Variants in YIPF1 observed in about 807,000 individuals in gnomAD.
YIPF1 encodes Yip1 domain family member 1, also known as protein YIPF1.
YIPF1 carries 22 observed loss-of-function variants against 37.0 expected under a neutral mutation model. The observed-to-expected ratio is 0.59, with a 90% confidence interval of 0.42 to 0.85. YIPF1 has a LOEUF of 0.85. Ranked by LOEUF, YIPF1 falls within the 40% of genes least tolerant of loss-of-function variation. The pLI, the probability that YIPF1 is intolerant of heterozygous loss-of-function variation, is 0.00. For synonymous variants in YIPF1, 128 were observed against 131.9 expected (o/e 0.97, Z 0.21); for missense variants, 355 against 373.1 (o/e 0.95, Z 0.40).
rs556690088 is a variant in YIPF1 at position 53,887,590 on chromosome 1, G to A, written c.31+1317C>T. On this transcript the variant is annotated intron_variant, in intron 3 of 10. Coordinates refer to ENST00000072644, the MANE Select transcript of YIPF1 (RefSeq NM_018982.5). ...CATGGTGAGAGTAGTGGTGGAGGTG[G>A]TCAGATGCTAGATGAATTTTGAAGA... Among the ~76,000 whole-genome samples, 14 of 152,080 alleles carry A rather than the reference G, an allele frequency of 9.2e-5. 1 individual carries two copies. The South Asian group carries it at 2.3e-3, about 25-fold the overall frequency.
At chr1:53,853,798 TG>T (rs537837054) in intron 10 of YIPF1, among the ~76,000 whole-genome samples, 2 of 152,208 alleles carry the variant, frequency 1.3e-5, no homozygotes, top group Non-Finnish European at 2.9e-5. Flanking sequence ...ACCATCAACT[TG>T]GGTTCTGAAA....
At position 53,878,410 on chromosome 1, in the gene YIPF1, ACAT is replaced by A. The variant is rs2100738001; in HGVS notation, c.277-11_277-9del. The stretch of plus-strand genomic sequence containing the variant: ...TTTAATTCTGTCAAAGACCTGGAAA[ACAT>A]CATAGCAGTAATTCTACTGAAGTTT... On this transcript the variant is annotated splice_polypyrimidine_tract_variant and intron_variant, in intron 5 of 10. Transcript: ENST00000072644. The A allele has an allele frequency of 6.2e-7, 1 of 1,612,608 alleles. No individual in the cohort carries two copies. The highest frequency in any genetic ancestry group is 1.1e-5 in the South Asian group (1 of 90,470).
intron 9 of YIPF1, 79 bp downstream of exon 9, chr1:53,866,121 A>T: frequency 5.2e-6 from 8 of 1,525,782 alleles, no homozygotes; most frequent in Non-Finnish European, 7.1e-6. Flanking sequence ...TTTTAAAAGA[A>T]CTGTTGTGTC....
chr1:53,869,494 A>C (rs1436448256), intron 7 of YIPF1, among the ~76,000 whole-genome samples: 1 of 152,194 alleles, frequency 6.6e-6, no homozygotes, highest in Non-Finnish European at 1.5e-5. Context: ...TGAGGCTCAG[A>C]CATAAAATAG....
At chr1:53,867,534 G>A (rs1008212563) in intron 7 of YIPF1, among the ~76,000 whole-genome samples, 54 of 151,936 alleles carry the variant, frequency 3.6e-4, no homozygotes, top group African/African-American at 1.3e-3. Context: ...CACCACATCC[G>A]GCTAATTTTT....
chr1:53,879,168 C>T (rs1400672661), intron 4 of YIPF1, among the ~76,000 whole-genome samples: 1 of 151,708 alleles, frequency 6.6e-6, no homozygotes, highest in Non-Finnish European at 1.5e-5. Context: ...AATCATAGCT[C>T]ACTGCAGCCT....
intron 6 of YIPF1, among the ~76,000 whole-genome samples, chr1:53,873,933 C>A (rs187123206): frequency 1.3e-5 from 2 of 152,248 alleles, no homozygotes; most frequent in Admixed American, 1.3e-4. Flanking sequence ...TCTAAGCTAC[C>A]TAACAACTCT....
intron 4 of YIPF1, among the ~76,000 whole-genome samples, chr1:53,881,244 C>CAAAAAAA (rs747288925): frequency 9.4e-5 from 9 of 96,194 alleles, no homozygotes; most frequent in East Asian, 2.9e-4. Flanking sequence ...GACTCCATCT[C>CAAAAAAA]AAAAAAAAAA....
intron 7 of YIPF1, among the ~76,000 whole-genome samples, chr1:53,870,263 T>G (rs1650150370): frequency 6.8e-6 from 1 of 146,586 alleles, no homozygotes; most frequent in Non-Finnish European, 1.5e-5. Flanking sequence ...CCTCAATCTC[T>G]GGGCTCAAGT....
chr1:53,877,408 G>A, intron 6 of YIPF1, among the ~76,000 whole-genome samples: 1 of 152,174 alleles, frequency 6.6e-6, no homozygotes, highest in East Asian at 1.9e-4. Context: ...GAAAAGTGGG[G>A]ATACTTTGCA....
intron 10 of YIPF1, among the ~76,000 whole-genome samples, chr1:53,853,480 G>A (rs1247442715): frequency 6.6e-6 from 1 of 152,196 alleles, no homozygotes; most frequent in African/African-American, 2.4e-5. Flanking sequence ...AAGAGGGGCT[G>A]GAGATAGAGT....
intron 6 of YIPF1, among the ~76,000 whole-genome samples, chr1:53,873,862 G>A (rs1650261106): frequency 6.6e-6 from 1 of 152,122 alleles, no homozygotes; most frequent in Non-Finnish European, 1.5e-5. Flanking sequence ...AGGCAGGCTG[G>A]TATGGGAAGA....
Position 53,866,739 on chromosome 1 carries a change from C to T in YIPF1, c.648+19G>A. 1 of 1,604,058 alleles carries T rather than the reference C, an allele frequency of 6.2e-7. No homozygotes were observed. Among genetic ancestry groups the T allele is most frequent in the Non-Finnish European group, 8.5e-7 (1 of 1,175,308 alleles). Reference sequence around the variant, plus strand: ...AACAGAGCATCACTCAGAATCTACTCCCTAAGTATGGTACTTACTGCGGTG... The same window carrying T: ...AACAGAGCATCACTCAGAATCTACTTCCTAAGTATGGTACTTACTGCGGTG... On this transcript the variant is annotated intron_variant, in intron 8 of 10. Transcript: ENST00000072644.
chr1:53,863,153 T>C (rs1649927248), intron 9 of YIPF1, among the ~76,000 whole-genome samples: 2 of 152,216 alleles, frequency 1.3e-5, no homozygotes, highest in Admixed American at 6.5e-5. Context: ...CCCGCTCTTC[T>C]GAGTCCCTTA....
Position 53,867,002 on chromosome 1 carries a change from T to A in YIPF1, c.482-78A>T. The A allele has an allele frequency of 3.4e-6, 5 of 1,488,690 alleles. No individual in the cohort carries two copies. The South Asian group carries it at 5.4e-5, about 16-fold the overall frequency. The allele number at this position is 1,488,690 out of a possible 1,614,324, so 92.2% of individuals were successfully genotyped here. ...TCAGAGCACTTCCAACACCTTATTGTACTTAAATGCTAACATGTCAATTGA... is the reference window on the plus strand; with the variant it reads ...TCAGAGCACTTCCAACACCTTATTGAACTTAAATGCTAACATGTCAATTGA... On this transcript the variant is annotated intron_variant, in intron 7 of 10. Coordinates refer to ENST00000072644, the MANE Select transcript of YIPF1 (RefSeq NM_018982.5).
rs1650446457 is a variant in YIPF1 at position 53,879,993 on chromosome 1, C to G, written c.196-1271G>C. Among the ~76,000 whole-genome samples, 3 of 152,258 alleles carry G rather than the reference C, an allele frequency of 2.0e-5. No homozygotes were observed. The South Asian group carries it at 6.2e-4, about 32-fold the overall frequency. On this transcript the variant is annotated intron_variant, in intron 4 of 10. Transcript: ENST00000072644. Reference sequence around the variant, plus strand: ...TGAAAACCAGCACAAGACATGGATGCCCTCTCTTATCACTCCTATTCAATA... The same window carrying G: ...TGAAAACCAGCACAAGACATGGATGGCCTCTCTTATCACTCCTATTCAATA...
At chr1:53,855,350 G>A (rs1351890949) in intron 10 of YIPF1, among the ~76,000 whole-genome samples, 2 of 151,850 alleles carry the variant, frequency 1.3e-5, no homozygotes, top group Admixed American at 6.6e-5. Context: ...GGCTTCCCAG[G>A]TACAGTTTCC....
At chr1:53,866,501 T>C in intron 8 of YIPF1, 119 bp from the exon 9 acceptor site, 2 of 1,148,124 alleles carry the variant, frequency 1.7e-6, no homozygotes, top group Non-Finnish European at 2.5e-6. Flanking sequence ...GCCACTCTGG[T>C]TTTTCAGTAC....
intron 7 of YIPF1, among the ~76,000 whole-genome samples, chr1:53,867,606 C>T (rs529893991): frequency 4.6e-5 from 7 of 152,136 alleles, no homozygotes; most frequent in Non-Finnish European, 7.4e-5. Flanking sequence ...CCTCGTGATC[C>T]GCCCGCCTCC....
Sources: allele counts gnomAD v4.1 joint callset (sites outside exome capture counted in the v4.1 genomes callset), GRCh38; gene constraint gnomAD v4.1.1; transcripts MANE v1.5; gene names NCBI Gene and HGNC (gene_info 2026-07-23, HGNC 2026-07-21).